ADGRG2: variants seen among roughly 807,000 people sequenced by gnomAD.
ADGRG2 encodes G protein-coupled receptor 64.
Under a neutral mutation model 74.1 loss-of-function variants are expected in ADGRG2, and 26 were observed. That is an observed-to-expected ratio of 0.35 (90% CI 0.26 to 0.49). The LOEUF is 0.49. Among genes scored for constraint, ADGRG2 ranks in the 20% least tolerant of loss-of-function variants. The pLI, the probability that ADGRG2 is intolerant of heterozygous loss-of-function variation, is 0.99. For synonymous variants in ADGRG2, 296 were observed against 295.2 expected, an observed-to-expected ratio of 1.00 and a Z score of -0.03; for missense variants, 619 against 763.1, an observed-to-expected ratio of 0.81 and a Z score of 2.22.
chrX:19,045,663 A>G (rs751800509), intron 3 of ADGRG2, among the ~76,000 whole-genome samples: 29 of 109,684 alleles, frequency 2.6e-4, no homozygotes, highest in South Asian at 8.0e-4. Context: ...CCTTCTCCCC[A>G]TGCTCACTGC....
At chrX:19,108,678 C>T (rs2385613) in intron 1 of ADGRG2, among the ~76,000 whole-genome samples, 28,982 of 110,755 alleles carry the variant, frequency 0.26, 5,383 homozygotes, top group African/African-American at 0.67. Flanking sequence ...TCTGGTACCA[C>T]ATATAGGAAA....
chrX:18,995,141 G>C, intron 27 of ADGRG2, 93 bp from the exon 28 acceptor site: 4 of 596,518 alleles, frequency 6.7e-6, no homozygotes. Context: ...CTAAGCAACT[G>C]ATTTCTCACT....
At position 18,991,947 on chromosome X, in the gene ADGRG2, TGAG is replaced by T. The variant is rs757732703; in HGVS notation, c.2870-902_2870-900del. On this transcript the variant is annotated intron_variant, in intron 28 of 28. Transcript: ENST00000379869. ...ACTACTGTTATCCCCATTTTGCAGA[TGAG>T]GAAACGAAGGTTTCAGAAATTAAGT... Among the ~76,000 whole-genome samples, 503 of 112,029 alleles carry T rather than the reference TGAG, an allele frequency of 4.5e-3. 3 individuals are homozygous for T. The highest frequency in any genetic ancestry group is 7.1e-3 in the Non-Finnish European group (378 of 53,184).
chrX:18,996,187 A>G (rs764230320), intron 26 of ADGRG2, 35 bp from the exon 27 acceptor site: 2 of 653,667 alleles, frequency 3.1e-6, no homozygotes, highest in South Asian at 2.3e-5. Flanking sequence ...ATGAATTCCA[A>G]GCTAATAGCT....
chrX:19,077,514 CAA>C (rs78215190), intron 2 of ADGRG2, among the ~76,000 whole-genome samples: 4 of 40,267 alleles, frequency 9.9e-5, no homozygotes, highest in Non-Finnish European at 9.5e-5. Flanking sequence ...AACTCTATTT[CAA>C]AAAAAAAAAA....
chrX:18,991,569 C>T (rs929431577), intron 28 of ADGRG2, among the ~76,000 whole-genome samples: 17 of 112,358 alleles, frequency 1.5e-4, no homozygotes, highest in African/African-American at 4.2e-4. Flanking sequence ...AATCATCTCT[C>T]TTGTAGATTA....
At chrX:19,093,451 C>T (rs964967946) in intron 1 of ADGRG2, among the ~76,000 whole-genome samples, 2 of 111,602 alleles carry the variant, frequency 1.8e-5, no homozygotes, top group East Asian at 2.8e-4. Flanking sequence ...CACTCCTATG[C>T]GTGGATGAAC....
intron 28 of ADGRG2, among the ~76,000 whole-genome samples, chrX:18,992,178 CA>C (rs777221486): frequency 8.9e-6 from 1 of 112,500 alleles, no homozygotes; most frequent in African/African-American, 3.2e-5. Flanking sequence ...TGACACAGAT[CA>C]AATAGGGCAT....
chrX:19,079,444 C>G (rs771349994), intron 2 of ADGRG2, among the ~76,000 whole-genome samples: 1 of 112,317 alleles, frequency 8.9e-6, no homozygotes, highest in Non-Finnish European at 1.9e-5. Context: ...AGGAACTATT[C>G]TGAACTTCAG....
chrX:19,005,556 T>C (rs55964904), intron 22 of ADGRG2, among the ~76,000 whole-genome samples: 961 of 86,323 alleles, frequency 0.011, 7 homozygotes, highest in Middle Eastern at 0.028. Context: ...CTCTCTCTCT[T>C]TTTTTTTTTT....
intron 1 of ADGRG2, among the ~76,000 whole-genome samples, chrX:19,116,130 G>A (rs768534685): frequency 4.6e-5 from 5 of 108,318 alleles, no homozygotes; most frequent in South Asian, 4.2e-4. Context: ...TGGGAGGATC[G>A]CTTAAGCACC....
chrX:19,111,800 AAG>A (rs2062417590), intron 1 of ADGRG2, among the ~76,000 whole-genome samples: 1 of 111,251 alleles, frequency 9.0e-6, no homozygotes, highest in Non-Finnish European at 1.9e-5. Flanking sequence ...TTAGGCAGAA[AAG>A]AGAGAAGGAA....
At chrX:19,050,398 G>C (rs1386965525) in intron 3 of ADGRG2, among the ~76,000 whole-genome samples, 4 of 111,914 alleles carry the variant, frequency 3.6e-5, no homozygotes, top group Non-Finnish European at 5.6e-5. Flanking sequence ...GAGGCAGACA[G>C]AAGTCTGCGA....
In ADGRG2 at chrX:19,013,929, A is replaced by G; in HGVS notation, c.856T>C (p.Ser286Pro). 1 of 1,210,753 alleles carries G rather than the reference A, an allele frequency of 8.3e-7. No individual in the cohort carries two copies. Among genetic ancestry groups the G allele is most frequent in the Non-Finnish European group, 1.1e-6 (1 of 895,195 alleles). ...ATSFAEPPDYSPVTHNVPSPI... is the reference protein window; with the variant it reads ...ATSFAEPPDYPPVTHNVPSPI... ...GAGGGAACATTGTGGGTCACAGGTG[A>G]ATAATCTGGAGGCTCAGCAAAAGAG... The change falls in exon 16 of 29, where the codon TCA (serine) becomes CCA (proline). Residue 286 changes from serine to proline, a missense_variant. Ser to Pro is a moderately conservative substitution (Grantham distance 74, BLOSUM62 -1). Around this residue, in one of 3 missense-constraint regions of ADGRG2, gnomAD observed 292 missense variants for 318.0 expected, o/e 0.92. Coordinates refer to ENST00000379869, the MANE Select transcript of ADGRG2 (RefSeq NM_001079858.3).
At chrX:19,068,661 A>G in intron 3 of ADGRG2, 56 bp downstream of exon 3, 1 of 516,635 alleles carries the variant, frequency 1.9e-6, no homozygotes, top group Admixed American at 3.5e-5. Context: ...TAACAAAAAA[A>G]TACACACATG....
chrX:19,022,833 A>C (rs754620508), intron 13 of ADGRG2, among the ~76,000 whole-genome samples: 1 of 111,445 alleles, frequency 9.0e-6, no homozygotes, highest in Non-Finnish European at 1.9e-5. Flanking sequence ...AGTAGCTGGG[A>C]TTACAAGAGC....
At chrX:19,119,016 A>T (rs746665810) in intron 1 of ADGRG2, among the ~76,000 whole-genome samples, 19 of 111,993 alleles carry the variant, frequency 1.7e-4, no homozygotes, top group Non-Finnish European at 3.4e-4. Context: ...CAAACAAATC[A>T]GTGGTTGCCA....
At chrX:19,099,339 G>A (rs1471951964) in intron 1 of ADGRG2, among the ~76,000 whole-genome samples, 4 of 112,267 alleles carry the variant, frequency 3.6e-5, no homozygotes, top group Admixed American at 2.8e-4. Flanking sequence ...TCTCTGCAAC[G>A]ACCCTGGTTA....
chrX:19,059,752 A>T (rs1413562563), intron 3 of ADGRG2, among the ~76,000 whole-genome samples: 3 of 106,269 alleles, frequency 2.8e-5, no homozygotes, highest in African/African-American at 1.0e-4. Context: ...ACTATGTAGT[A>T]GTACTAAAGA....
Sources: gnomAD v4.1 joint callset for allele counts (sites outside exome capture counted in the v4.1 genomes callset) on GRCh38, gnomAD v4.1.1 for gene constraint, gnomAD v4.1.1 regional missense constraint, MANE v1.5 for transcripts, NCBI Gene and HGNC (gene_info 2026-07-23, HGNC 2026-07-21) for gene names.